MECOM: variants seen among roughly 807,000 people sequenced by gnomAD.
The protein encoded by MECOM is MDS1 and EVI1 complex locus, also known as histone-lysine N-methyltransferase MECOM.
Under a neutral mutation model 116.3 loss-of-function variants are expected in MECOM, and 13 were observed. That is an observed-to-expected ratio of 0.11 (90% CI 0.07 to 0.18). The LOEUF (loss-of-function observed/expected upper bound fraction) is 0.18, where lower values mean the gene tolerates loss of function less well. MECOM is among the 10% of genes least tolerant of loss of function. MECOM has a pLI of 1.00. For missense variants in MECOM, 1,299 were observed against 1,509.0 expected (o/e 0.86, Z 2.31); for synonymous variants, 528 against 535.2 (o/e 0.99, Z 0.19).
At chr3:169,461,487 A>C (rs1747432493) in intron 1 of MECOM, among the ~76,000 whole-genome samples, 2 of 152,170 alleles carry the variant, frequency 1.3e-5, no homozygotes, top group African/African-American at 2.4e-5. Context: ...TATTTTTCAA[A>C]TATGAAAAAT....
intron 2 of MECOM, among the ~76,000 whole-genome samples, chr3:169,312,997 G>A (rs1295581756): frequency 6.6e-6 from 1 of 152,140 alleles, no homozygotes; most frequent in African/African-American, 2.4e-5. Flanking sequence ...TGAGCATCTG[G>A]GTGCTCCAAT....
chr3:169,523,707 T>G (rs1052496018), intron 1 of MECOM, among the ~76,000 whole-genome samples: 5 of 151,938 alleles, frequency 3.3e-5, no homozygotes, highest in African/African-American at 9.7e-5. Flanking sequence ...GTTGCCAAAT[T>G]AGCAAATAAA....
chr3:169,575,383 A>T (rs1451772536), intron 1 of MECOM, among the ~76,000 whole-genome samples: 14 of 152,036 alleles, frequency 9.2e-5, no homozygotes, highest in Admixed American at 9.2e-4. Context: ...AACAAACTCT[A>T]CCCTGGGGGA....
chr3:169,373,591 ATAG>A (rs2108209819), intron 2 of MECOM, among the ~76,000 whole-genome samples: 1 of 152,100 alleles, frequency 6.6e-6, no homozygotes, highest in African/African-American at 2.4e-5. Flanking sequence ...TTGTAGATAC[ATAG>A]TAGGCAAATA....
chr3:169,263,125 A>ATTTT (rs1757798616), intron 2 of MECOM, among the ~76,000 whole-genome samples: 1 of 19,544 alleles, frequency 5.1e-5, no homozygotes, highest in African/African-American at 2.6e-4. Flanking sequence ...ATATATATAT[A>ATTTT]TATGTTTTTT....
chr3:169,250,942 C>T (rs1470388789), intron 2 of MECOM, among the ~76,000 whole-genome samples: 1 of 152,126 alleles, frequency 6.6e-6, no homozygotes, highest in Non-Finnish European at 1.5e-5. Flanking sequence ...GAAGATTCAT[C>T]TCTACGATAA....
intron 1 of MECOM, among the ~76,000 whole-genome samples, chr3:169,425,204 C>T (rs542958123): frequency 6.6e-6 from 1 of 151,526 alleles, no homozygotes; most frequent in Non-Finnish European, 1.5e-5. Context: ...GACCTTGGAG[C>T]ACTTTCAATT....
chr3:169,502,793 T>C (rs909763488), intron 1 of MECOM, among the ~76,000 whole-genome samples: 1 of 152,158 alleles, frequency 6.6e-6, no homozygotes, highest in Admixed American at 6.5e-5. Flanking sequence ...AAGTATGTCA[T>C]AGAACTTTTA....
At chr3:169,147,716 G>GTA in intron 2 of MECOM, 1 of 705,088 alleles carries the variant, frequency 1.4e-6, no homozygotes, top group East Asian at 1.6e-4. Context: ...CACAAGTGTG[G>GTA]TGTGTGTGTG....
chr3:169,383,897 C>A (rs1732879209), intron 1 of MECOM, among the ~76,000 whole-genome samples: 1 of 152,182 alleles, frequency 6.6e-6, no homozygotes, highest in South Asian at 2.1e-4. Flanking sequence ...TCCTGCCTGG[C>A]ACTCCTCTCT....
At chr3:169,624,027 C>A (rs1315310479) in intron 1 of MECOM, 1 of 152,196 alleles carries the variant, frequency 6.6e-6, no homozygotes, top group Non-Finnish European at 1.5e-5. Flanking sequence ...ATGTACTTCA[C>A]CCTCCACTGA....
intron 1 of MECOM, among the ~76,000 whole-genome samples, chr3:169,387,788 C>T (rs1237860799): frequency 6.6e-6 from 1 of 151,800 alleles, no homozygotes; most frequent in Non-Finnish European, 1.5e-5. Flanking sequence ...TAGGCTGAGA[C>T]AGAAACATGA....
intron 2 of MECOM, among the ~76,000 whole-genome samples, chr3:169,174,989 G>A (rs1271465126): frequency 1.3e-5 from 2 of 151,966 alleles, no homozygotes; most frequent in Non-Finnish European, 1.5e-5. Context: ...TTTGTCAATC[G>A]GGGTGGGTAT....
At chr3:169,197,993 A>T (rs1234812413) in intron 2 of MECOM, among the ~76,000 whole-genome samples, 1 of 152,062 alleles carries the variant, frequency 6.6e-6, no homozygotes, top group Non-Finnish European at 1.5e-5. Context: ...CTAAAAACAA[A>T]TACCAAATCA....
At chr3:169,231,509 G>A (rs143061209) in intron 2 of MECOM, among the ~76,000 whole-genome samples, 2 of 152,192 alleles carry the variant, frequency 1.3e-5, no homozygotes, top group Non-Finnish European at 2.9e-5. Flanking sequence ...GAAATTAGGA[G>A]AAAAAGAAGT....
chr3:169,134,531 T>A (rs1260691341), intron 3 of MECOM, among the ~76,000 whole-genome samples: 1 of 152,204 alleles, frequency 6.6e-6, no homozygotes, highest in Admixed American at 6.5e-5. Context: ...AAGCGCCAGA[T>A]ATAATGAGGG....
At chr3:169,535,268 A>G (rs889642240) in intron 1 of MECOM, among the ~76,000 whole-genome samples, 1 of 152,098 alleles carries the variant, frequency 6.6e-6, no homozygotes, top group Admixed American at 6.5e-5. Context: ...ATCAAAATCA[A>G]TCCTCTTGAC....
intron 2 of MECOM, among the ~76,000 whole-genome samples, chr3:169,253,701 A>T (rs1756524005): frequency 6.6e-6 from 1 of 152,106 alleles, no homozygotes. Flanking sequence ...CCAGAAAGAA[A>T]AGGAAAACAA....
chr3:169,088,053 T>TA (rs1718407097), intron 16 of MECOM, among the ~76,000 whole-genome samples: 1 of 152,212 alleles, frequency 6.6e-6, no homozygotes, highest in African/African-American at 2.4e-5. Context: ...CTTGGGATAT[T>TA]ATTACATTTG....
Sources: gnomAD v4.1 joint callset for allele counts (sites outside exome capture counted in the v4.1 genomes callset) on GRCh38, gnomAD v4.1.1 for gene constraint, MANE v1.5 for transcripts, NCBI Gene and HGNC (gene_info 2026-07-23, HGNC 2026-07-21) for gene names.